The following FBXL2 variants were observed in gnomAD, a reference collection of about 807,000 sequenced individuals.
FBXL2 encodes the protein F-box/LRR-repeat protein 2.
In FBXL2, 38 loss-of-function variants were observed where a neutral mutation model predicts 69.2. The observed-to-expected ratio is 0.55, with a 90% CI of 0.42 to 0.72. FBXL2 has a LOEUF of 0.72. FBXL2 is among the 30% of genes least tolerant of loss of function. The pLI is 0.00. For missense variants in FBXL2, 354 were observed against 520.3 expected, an observed-to-expected ratio of 0.68 and a Z score of 3.11; for synonymous variants, 192 against 201.3, an observed-to-expected ratio of 0.95 and a Z score of 0.39.
intron 2 of FBXL2, among the ~76,000 whole-genome samples, chr3:33,314,101 AT>A (rs879619456): frequency 5.3e-5 from 8 of 150,112 alleles, no homozygotes; most frequent in African/African-American, 7.3e-5. Context: ...ATCCTCTTTA[AT>A]TTTTTTTTGC....
intron 2 of FBXL2, among the ~76,000 whole-genome samples, chr3:33,314,857 T>C (rs1365518444): frequency 6.6e-6 from 1 of 152,248 alleles, no homozygotes; most frequent in Non-Finnish European, 1.5e-5. Flanking sequence ...ATTATTGGTA[T>C]AATTTTCCTT....
chr3:33,294,479 T>C (rs1439596965), intron 1 of FBXL2, among the ~76,000 whole-genome samples: 1 of 152,160 alleles, frequency 6.6e-6, no homozygotes, highest in East Asian at 1.9e-4. Flanking sequence ...AATGAAAATA[T>C]ATCATATGGG....
In FBXL2 at chr3:33,385,675, C is replaced by A; in HGVS notation, c.*67C>A. The stretch of plus-strand genomic sequence containing the variant: ...CTCTAGAAGACCTGAGTCTTCCTGA[C>A]CGACTCCACCATCACCCAATCTGTT... On this transcript the variant is annotated 3_prime_UTR_variant, in exon 15 of 15. Transcript: ENST00000484457. 1 of 1,226,346 alleles carries A rather than the reference C, an allele frequency of 8.2e-7. No individual in the cohort carries two copies. Among genetic ancestry groups the A allele is most frequent in the Non-Finnish European group, 1.2e-6 (1 of 831,076 alleles). The allele number at this position is 1,226,346 out of a possible 1,614,324, so 76.0% of individuals were successfully genotyped here. A position where few individuals can be genotyped will look rare whatever the true frequency, so the allele number is the denominator to read the frequency against.
Position 33,378,665 on chromosome 3 carries a change from C to G in FBXL2, c.895-20C>G. The G allele has an allele frequency of 6.2e-7, 1 of 1,608,732 alleles. No individual in the cohort carries two copies. Among genetic ancestry groups the G allele is most frequent in the Non-Finnish European group, 8.5e-7 (1 of 1,177,922 alleles). On this transcript the variant is annotated intron_variant, in intron 12 of 14. Coordinates refer to ENST00000484457, the MANE Select transcript of FBXL2 (RefSeq NM_012157.5). ...AGTTCTGGTGTAGAAGCCACACTGA[C>G]ACAGCATGTTTCTCTCCAGATAACC...
downstream of FBXL2, chr3:33,392,816 T>TGA (rs1428321286): frequency 2.0e-6 from 1 of 497,594 alleles, no homozygotes; most frequent in Admixed American, 4.0e-5. Flanking sequence ...TAATGGTCCC[T>TGA]GAGAGACCTG....
intron 12 of FBXL2, chr3:33,396,290 G>A: frequency 6.4e-7 from 1 of 1,565,028 alleles, no homozygotes; most frequent in Non-Finnish European, 8.8e-7. Context: ...CCTGCAATCA[G>A]AAGATGCCAC....
chr3:33,279,177 T>G (rs1445926682), intron 1 of FBXL2, among the ~76,000 whole-genome samples: 5 of 152,164 alleles, frequency 3.3e-5, no homozygotes. Flanking sequence ...AATTGATTGA[T>G]AAGGTGTCCA....
intron 5 of FBXL2, among the ~76,000 whole-genome samples, chr3:33,365,259 C>T (rs2154043523): frequency 6.7e-6 from 1 of 150,004 alleles, no homozygotes; most frequent in East Asian, 2.0e-4. Flanking sequence ...CCATCTCTTA[C>T]TGGATAGCCA....
intron 2 of FBXL2, among the ~76,000 whole-genome samples, chr3:33,352,261 T>G (rs1042394809): frequency 2.6e-5 from 4 of 151,986 alleles, no homozygotes; most frequent in Non-Finnish European, 1.5e-5. Context: ...GTTGGAAAAA[T>G]TGGACATCTG....
chr3:33,389,399 T>G (rs2043663762), downstream of FBXL2: 1 of 150,838 alleles, frequency 6.6e-6, no homozygotes, highest in African/African-American at 2.5e-5. Flanking sequence ...CAATAATACT[T>G]TCTCCCCCTA....
At chr3:33,411,835 G>T in the FBXL2 span, 1 of 638,334 alleles carries the variant, frequency 1.6e-6, no homozygotes, top group South Asian at 2.0e-5. Flanking sequence ...CTTCAACATC[G>T]AAACCCACCC....
intron 12 of FBXL2, among the ~76,000 whole-genome samples, chr3:33,402,216 A>C (rs770068145): frequency 6.6e-6 from 1 of 152,234 alleles, no homozygotes; most frequent in Non-Finnish European, 1.5e-5. Context: ...TGTACCTTCA[A>C]GATGCCCCAA....
intron 2 of FBXL2, among the ~76,000 whole-genome samples, chr3:33,313,857 G>A (rs1310578721): frequency 1.3e-5 from 2 of 152,144 alleles, no homozygotes; most frequent in African/African-American, 4.8e-5. Context: ...GTGTTAATGG[G>A]AACAATATTC....
Position 33,373,154 on chromosome 3 carries a change from C to G in FBXL2, c.353C>G (p.Thr118Ser), listed in dbSNP as rs1415060246. The part of the protein sequence containing the change: ...HLNLNGCTKI[T>S]DSTCYSLSRF... ...AACCTCAATGGATGCACAAAAATCACTGACAGGTAAGTAATGAAGATTAAT... is the reference window on the plus strand; with the variant it reads ...AACCTCAATGGATGCACAAAAATCAGTGACAGGTAAGTAATGAAGATTAAT... Residue 118 changes from threonine (T) to serine (S), a missense_variant, in exon 6 of 15, where the codon ACT (threonine) becomes AGT (serine). Transcript: ENST00000484457. 4.3e-6 allele frequency: 7 copies of G among 1,613,886 alleles called. No individual in the cohort carries two copies. The Admixed American group carries it at 5.0e-5, about 12-fold the overall frequency.
chr3:33,304,494 A>G (rs917579953), intron 2 of FBXL2, among the ~76,000 whole-genome samples: 3 of 152,018 alleles, frequency 2.0e-5, no homozygotes, highest in African/African-American at 7.2e-5. Context: ...TTGCTCATTC[A>G]TTTTTACTGC....
chr3:33,385,651 T>C lies in FBXL2; in HGVS notation c.*43T>C. On this transcript the variant is annotated 3_prime_UTR_variant, in exon 15 of 15. Transcript: ENST00000484457. ...CAAGGGGTGATGAGGCATCCTTTCC[T>C]CTAGAAGACCTGAGTCTTCCTGACC... The C allele has an allele frequency of 6.6e-7, 1 of 1,504,950 alleles. No individual in the cohort carries two copies. The highest frequency in any genetic ancestry group is 1.4e-5 in the African/African-American group (1 of 72,872). 93.2% of individuals were successfully genotyped at this position (1,504,950 alleles called of 1,614,324 possible). A position where few individuals can be genotyped will look rare whatever the true frequency, so the allele number is the denominator to read the frequency against.
chr3:33,371,157 G>A (rs1055510901), intron 5 of FBXL2, among the ~76,000 whole-genome samples: 2 of 146,018 alleles, frequency 1.4e-5, no homozygotes, highest in African/African-American at 5.1e-5. Flanking sequence ...ATCAGCCATT[G>A]TGGTTTTCAT....
intron 4 of FBXL2, among the ~76,000 whole-genome samples, chr3:33,360,772 T>G (rs1575336380): frequency 6.6e-6 from 1 of 152,262 alleles, no homozygotes; most frequent in South Asian, 2.1e-4. Context: ...TTCTAAAAAT[T>G]GTAGTCATTT....
intron 10 of FBXL2, among the ~76,000 whole-genome samples, chr3:33,376,914 T>C (rs568392974): frequency 3.9e-5 from 6 of 152,244 alleles, no homozygotes; most frequent in South Asian, 4.2e-4. Flanking sequence ...GACGGGAGAA[T>C]CATTTGAACC....
Sources: allele counts gnomAD v4.1 joint callset (sites outside exome capture counted in the v4.1 genomes callset), GRCh38; gene constraint gnomAD v4.1.1; transcripts MANE v1.5; gene names NCBI Gene and HGNC (gene_info 2026-07-23, HGNC 2026-07-21).